FBXO2: variants seen among roughly 807,000 people sequenced by gnomAD.
The protein encoded by FBXO2 is F-box protein 2.
In FBXO2, 32 loss-of-function variants were observed where a neutral mutation model predicts 38.6. The observed-to-expected ratio is 0.83, with a 90% CI of 0.62 to 1.11. The LOEUF (loss-of-function observed/expected upper bound fraction) is 1.11, where lower values mean the gene tolerates loss of function less well. FBXO2 is among the 50% of genes most tolerant of loss of function. The probability of loss-of-function intolerance (pLI) is 0.00; values close to 1 mark genes in which losing one functional copy is unlikely to be tolerated. For synonymous variants in FBXO2, 189 were observed against 182.9 expected (o/e 1.03, Z -0.27); for missense variants, 450 against 418.3 (o/e 1.08, Z -0.66).
intron 5 of FBXO2, 53 bp downstream of exon 5, chr1:11,649,034 C>T: frequency 9.9e-6 from 15 of 1,508,604 alleles, no homozygotes; most frequent in Non-Finnish European, 1.3e-5. Flanking sequence ...CTCCTCGAGC[C>T]ACGCCCCTCA....
chr1:11,648,620 G>A lies in FBXO2; in HGVS notation c.*74C>T. The A allele has an allele frequency of 2.5e-6, 4 of 1,568,782 alleles. No homozygotes were observed. Among genetic ancestry groups the A allele is most frequent in the Non-Finnish European group, 3.5e-6 (4 of 1,148,476 alleles). ...GGCTTGGGGAAGGTGAGGACGCTAT[G>A]GACTAAGTTAAGGCCTATCTACCCT... is the stretch of plus-strand genomic sequence containing the variant. On this transcript the variant is annotated 3_prime_UTR_variant, in exon 6 of 6. Transcript: ENST00000354287. This position sits in a 1 kb window ranked among gnomAD's most constrained non-coding sequence, Gnocchi z 4.2.
chr1:11,649,549 A>G (rs954763644), intron 4 of FBXO2: 15 of 592,882 alleles, frequency 2.5e-5, no homozygotes, highest in Non-Finnish European at 4.5e-5. Flanking sequence ...CATATATACA[A>G]ACATATATAT....
Position 11,654,363 on chromosome 1 carries a change from A to G in FBXO2, c.-23T>C. ...CATCGCTGCGGAGGGCGGTCGCGAG[A>G]GGAGGAGCCGGAGCGCTGCGGGCTG... On this transcript the variant is annotated 5_prime_UTR_variant, in exon 1 of 6. Transcript: ENST00000354287. The G allele has an allele frequency of 7.1e-7, 1 of 1,409,668 alleles. No individual in the cohort carries two copies. Among genetic ancestry groups the G allele is most frequent in the Non-Finnish European group, 9.2e-7 (1 of 1,085,698 alleles). The allele number at this position is 1,409,668 out of a possible 1,614,324, so 87.3% of individuals were successfully genotyped here. A position where few individuals can be genotyped will look rare whatever the true frequency, so the allele number is the denominator to read the frequency against.
At chr1:11,654,040 G>T in intron 1 of FBXO2, 1 of 417,808 alleles carries the variant, frequency 2.4e-6, no homozygotes, top group East Asian at 3.9e-5. Context: ...CCCTCAGGAA[G>T]CTGGGAGGCG....
chr1:11,651,718 T>C (rs949782563), intron 1 of FBXO2, among the ~76,000 whole-genome samples: 10 of 146,692 alleles, frequency 6.8e-5, no homozygotes, highest in Non-Finnish European at 1.5e-5. Context: ...TTTTTTTTTT[T>C]TGATATGGAG....
Position 11,650,470 on chromosome 1 carries a change from C to G in FBXO2, c.387G>C (p.Gly129=). 6.2e-7 allele frequency: 1 copy of G among 1,609,102 alleles called. No individual in the cohort carries two copies. Among genetic ancestry groups the G allele is most frequent in the Non-Finnish European group, 8.5e-7 (1 of 1,178,416 alleles). The change falls in exon 2 of 6, where the codon GGG becomes GGC. Residue 129 remains glycine (G), a synonymous_variant. Transcript: ENST00000354287. ...CGCCCAGCGAGGGCCTCTCACCTTC[C>G]CCACACGGGTTACGCAGAAGGTTGC... ...RRRNLLRNPC[G]EEDLEGWCDV...
At chr1:11,650,321 G>A in intron 2 of FBXO2, 145 bp downstream of exon 2, 1 of 1,419,328 alleles carries the variant, frequency 7.0e-7, no homozygotes, top group South Asian at 1.4e-5. Flanking sequence ...TGGCCAGAGA[G>A]CTACAGTAAT....
At chr1:11,654,191 C>T in intron 1 of FBXO2, 128 bp downstream of exon 1, 2 of 1,056,154 alleles carry the variant, frequency 1.9e-6, no homozygotes, top group Non-Finnish European at 2.6e-6. Context: ...TCTAGGGCTT[C>T]GCTGGCGTGA....
In FBXO2 at chr1:11,649,817, C is replaced by T; in HGVS notation, c.579G>A (p.Leu193=). 8 of 1,614,008 alleles carry T rather than the reference C, an allele frequency of 5.0e-6. No homozygotes were observed. The highest frequency in any genetic ancestry group is 6.8e-6 in the Non-Finnish European group (8 of 1,180,022). ...DLQAEGYWEE[L]LDTTQPAIVV... ...CGATGGCCGGCTGAGTCGTGTCCAG[C>T]AGCTCCTCCCAGTAGCCCTCAGCCT... The change falls in exon 4 of 6, where the codon CTG becomes CTA. Residue 193 remains leucine (L), a synonymous_variant. Coordinates refer to ENST00000354287, the MANE Select transcript of FBXO2 (RefSeq NM_012168.6).
intron 1 of FBXO2, among the ~76,000 whole-genome samples, chr1:11,651,926 T>C (rs1639528461): frequency 6.6e-6 from 1 of 152,094 alleles, no homozygotes; most frequent in Non-Finnish European, 1.5e-5. Context: ...CTCAAACTCC[T>C]GACCTCAGGT....
In FBXO2 at chr1:11,650,750, T is replaced by C; in HGVS notation, c.107A>G (p.Gln36Arg). 6.5e-7 allele frequency: 1 copy of C among 1,531,734 alleles called. No homozygotes were observed. Among genetic ancestry groups the C allele is most frequent in the Non-Finnish European group, 8.7e-7 (1 of 1,145,262 alleles). The allele number at this position is 1,531,734 out of a possible 1,614,324, so 94.9% of individuals were successfully genotyped here. Residue 36 changes from glutamine (Q) to arginine (R), a missense_variant, in exon 2 of 6, where the codon CAG (glutamine) becomes CGG (arginine). By Grantham distance (43) the Gln-to-Arg change is conservative. Coordinates refer to ENST00000354287, the MANE Select transcript of FBXO2 (RefSeq NM_012168.6). ...GGCGGCGGCCGCCGCCTCCTCCTCC[T>C]GCTGGTCCTCCGGCCGCTCCTCCTC... Reference protein sequence around the residue: ...SAEEERPEDQQEEEAAAAAAY... With the variant: ...SAEEERPEDQREEEAAAAAAY...
chr1:11,654,255 C>A, intron 1 of FBXO2, 64 bp downstream of exon 1: 1 of 1,475,918 alleles, frequency 6.8e-7, no homozygotes, highest in Non-Finnish European at 9.0e-7. Flanking sequence ...CCCCTCTGTG[C>A]AGCGCTCGCC....
rs761434823 is a variant in FBXO2, at chr1:11,648,847, A to G, written c.757-19T>C. 1.3e-5 allele frequency: 21 copies of G among 1,613,062 alleles called. No homozygotes were observed. Among genetic ancestry groups the G allele is most frequent in the Non-Finnish European group, 1.8e-5 (21 of 1,179,856 alleles). ...GGGAGATCTGGGGGTGGAGGTAACAAGAGTCAGCCTCGGAGGTCCTGAGGC... is the reference window on the plus strand; with the variant it reads ...GGGAGATCTGGGGGTGGAGGTAACAGGAGTCAGCCTCGGAGGTCCTGAGGC... On this transcript the variant is annotated intron_variant, in intron 5 of 5. Coordinates refer to ENST00000354287, the MANE Select transcript of FBXO2 (RefSeq NM_012168.6). This position sits in a 1 kb window ranked among gnomAD's most constrained non-coding sequence, Gnocchi z 4.2.
intron 2 of FBXO2, 95 bp downstream of exon 2, chr1:11,650,371 G>C (rs964923205): frequency 6.7e-7 from 1 of 1,500,304 alleles, no homozygotes; most frequent in Non-Finnish European, 8.9e-7. Flanking sequence ...ACTGAGCCAG[G>C]CGCTTAATCC....
intron 1 of FBXO2, chr1:11,653,504 G>T (rs899521543): frequency 1.2e-4 from 18 of 152,478 alleles, no homozygotes; most frequent in Admixed American, 9.8e-4. Flanking sequence ...AGCAAGGGCT[G>T]CGAGAGCTGG....
rs1639452150 is a variant in FBXO2 at position 11,648,404 on chromosome 1, A to G, written c.*290T>C. On this transcript the variant is annotated 3_prime_UTR_variant, in exon 6 of 6. Transcript: ENST00000354287. The surrounding 1 kb of genome is among the most constrained non-coding windows in gnomAD (Gnocchi z 4.2). ...TTCATTCCTTCCTTGGACAAATAAT[A>G]TTTATTGAGAGCCCACTTTGTGGCA... 1.2e-5 allele frequency: 5 copies of G among 410,330 alleles called. No individual in the cohort carries two copies. In the East Asian group the frequency reaches 1.9e-4, roughly 15 times the overall value. The allele number at this position is 410,330 out of a possible 1,614,324, so 25.4% of individuals were successfully genotyped here.
At chr1:11,651,079 C>A (rs1168616271) in intron 1 of FBXO2, among the ~76,000 whole-genome samples, 2 of 152,340 alleles carry the variant, frequency 1.3e-5, no homozygotes, top group Admixed American at 1.3e-4. Context: ...GACCAGTAAA[C>A]CCCACGCCTG....
In FBXO2 at chr1:11,649,770, C is replaced by T; in HGVS notation, c.617+9G>A. 1.9e-6 allele frequency: 3 copies of T among 1,613,600 alleles called. No homozygotes were observed. In the South Asian group the frequency reaches 3.3e-5, roughly 18 times the overall value. On this transcript the variant is annotated intron_variant, in intron 4 of 5. Coordinates refer to ENST00000354287, the MANE Select transcript of FBXO2 (RefSeq NM_012168.6). ...CTCCCAGCCCCATGCCACCCCAGGA[C>T]CCTCTCACCAGTCCTTCACCACGAT...
At chr1:11,650,971 A>G (rs1639511378) in intron 1 of FBXO2, 137 bp from the exon 2 acceptor site, 2 of 1,290,408 alleles carry the variant, frequency 1.5e-6, no homozygotes, top group South Asian at 1.6e-5. Flanking sequence ...CTGTGACTCC[A>G]TACTGGTGCC....
Sources: gnomAD v4.1 joint callset for allele counts (sites outside exome capture counted in the v4.1 genomes callset) on GRCh38, gnomAD v4.1.1 for gene constraint, Gnocchi (gnomAD v3.1) non-coding constraint, MANE v1.5 for transcripts, NCBI Gene and HGNC (gene_info 2026-07-23, HGNC 2026-07-21) for gene names.